Variants in GLIS3 observed in about 807,000 individuals in gnomAD.
GLIS3 encodes zinc finger protein GLIS3.
A neutral mutation model predicts 78.6 loss-of-function variants in GLIS3; 53 were observed. That is an observed-to-expected ratio of 0.67 (90% CI 0.54 to 0.85). The LOEUF is 0.85. Ranked by LOEUF, GLIS3 falls within the 40% of genes least tolerant of loss-of-function variation. The probability of loss-of-function intolerance (pLI) is 0.00; values close to 1 mark genes in which losing one functional copy is unlikely to be tolerated. For synonymous variants in GLIS3, 684 were observed against 509.9 expected (o/e 1.34, Z -4.60); for missense variants, 1,703 against 1,231.1 (o/e 1.38, Z -5.74).
chr9:3,861,640 A>AT (rs1240508356), intron 8 of GLIS3, among the ~76,000 whole-genome samples: 1 of 152,216 alleles, frequency 6.6e-6, no homozygotes, highest in Non-Finnish European at 1.5e-5. Context: ...TTGCAGGGAC[A>AT]TGGATGGAGC....
At chr9:4,483,612 C>G in the GLIS3 span, among the ~76,000 whole-genome samples, 3 of 151,166 alleles carry the variant, frequency 2.0e-5, no homozygotes, top group African/African-American at 7.3e-5. Context: ...CCCAACTACT[C>G]AAGAGGCTGA....
the GLIS3 span, among the ~76,000 whole-genome samples, chr9:4,395,041 A>C: frequency 1.3e-5 from 2 of 152,220 alleles, no homozygotes; most frequent in East Asian, 1.9e-4. Context: ...TAGAGTATCT[A>C]TAATGGTGTA....
rs546570896 is a variant in GLIS3 at position 3,897,254 on chromosome 9, G to T, written c.2128+1437C>A. Among the ~76,000 whole-genome samples the T allele has an allele frequency of 6.6e-5, 10 of 152,220 alleles. No homozygotes were observed. In the South Asian group the frequency reaches 2.1e-3, roughly 32 times the overall value. On this transcript the variant is annotated intron_variant, in intron 7 of 10. Coordinates refer to ENST00000381971, the MANE Select transcript of GLIS3 (RefSeq NM_001042413.2). Reference sequence around the variant, plus strand: ...TTTTCAATCACTTCTGGTTAGTGTTGACTGTTGACTATTGGGTTCCAGGTC... The same window carrying T: ...TTTTCAATCACTTCTGGTTAGTGTTTACTGTTGACTATTGGGTTCCAGGTC...
intron 8 of GLIS3, among the ~76,000 whole-genome samples, chr9:3,867,386 A>G (rs1469382738): frequency 6.6e-6 from 1 of 152,240 alleles, no homozygotes. Context: ...GTATTTAAGA[A>G]GTTATTAGTG....
At chr9:3,853,752 G>T (rs1350477098) in intron 9 of GLIS3, among the ~76,000 whole-genome samples, 1 of 152,172 alleles carries the variant, frequency 6.6e-6, no homozygotes, top group Non-Finnish European at 1.5e-5. Context: ...GAAAAAAGAA[G>T]AAATCACCCA....
chr9:4,247,854 G>C (rs1363130675), intron 2 of GLIS3, among the ~76,000 whole-genome samples: 1 of 152,108 alleles, frequency 6.6e-6, no homozygotes, highest in Non-Finnish European at 1.5e-5. Flanking sequence ...ATTAAATCAA[G>C]CTAATTAGCA....
chr9:4,185,453 A>G (rs1303019680), intron 2 of GLIS3, among the ~76,000 whole-genome samples: 1 of 152,156 alleles, frequency 6.6e-6, no homozygotes, highest in Non-Finnish European at 1.5e-5. Flanking sequence ...ACTAATATAT[A>G]CTTTTTTGTA....
chr9:4,294,310 A>T lies in GLIS3; in HGVS notation c.-99+5111T>A, dbSNP rs1816286950. Among the ~76,000 whole-genome samples the T allele has an allele frequency of 2.6e-5, 4 of 152,160 alleles. No homozygotes were observed. The South Asian group carries it at 8.3e-4, about 32-fold the overall frequency. ...GATCACCTGAGGTCAGGAGTTCGAGACCAGTCTGACTAACACAGTGAAACC... is the reference window on the plus strand; with the variant it reads ...GATCACCTGAGGTCAGGAGTTCGAGTCCAGTCTGACTAACACAGTGAAACC... On this transcript the variant is annotated intron_variant, in intron 1 of 10. Coordinates refer to ENST00000381971, the MANE Select transcript of GLIS3 (RefSeq NM_001042413.2).
At chr9:4,260,001 G>C (rs1825355325) in intron 2 of GLIS3, among the ~76,000 whole-genome samples, 1 of 152,182 alleles carries the variant, frequency 6.6e-6, no homozygotes, top group South Asian at 2.1e-4. Flanking sequence ...GGAAATTTAA[G>C]CAAGGGAGAT....
intron 4 of GLIS3, among the ~76,000 whole-genome samples, chr9:3,984,734 G>C (rs594288): frequency 0.65 from 98,798 of 151,998 alleles, 32,502 homozygotes; most frequent in African/African-American, 0.76. Context: ...GTTTGGTTGT[G>C]TCCCCATCCA....
intron 2 of GLIS3, chr9:4,145,063 A>C (rs1400833029): frequency 6.6e-6 from 1 of 152,202 alleles, no homozygotes; most frequent in Non-Finnish European, 1.5e-5. Context: ...GGCTTAACTG[A>C]CCATAACCTT....
intron 9 of GLIS3, among the ~76,000 whole-genome samples, chr9:3,841,179 A>G (rs1266684681): frequency 6.6e-6 from 1 of 152,214 alleles, no homozygotes; most frequent in East Asian, 1.9e-4. Flanking sequence ...GTGGTGGCCT[A>G]TGGCTTCCAA....
At chr9:3,874,838 T>A (rs924018175) in intron 8 of GLIS3, among the ~76,000 whole-genome samples, 1 of 152,176 alleles carries the variant, frequency 6.6e-6, no homozygotes, top group Non-Finnish European at 1.5e-5. Flanking sequence ...TTCTTTTCAG[T>A]CTTTTCTGGC....
At chr9:4,227,031 G>A (rs1028523722) in intron 2 of GLIS3, among the ~76,000 whole-genome samples, 5 of 152,178 alleles carry the variant, frequency 3.3e-5, no homozygotes, top group African/African-American at 1.2e-4. Context: ...AAGAGTTCTT[G>A]CATGCAAGGG....
At position 4,320,669 on chromosome 9, in the gene GLIS3, T is replaced by C. The variant is rs561265862; in HGVS notation, n.265-10141A>G. Among the ~76,000 whole-genome samples, 8 of 152,040 alleles carry C rather than the reference T, an allele frequency of 5.3e-5. No homozygotes were observed. The East Asian group carries it at 9.7e-4, about 18-fold the overall frequency. ...ACTGTTGCCACCATCACTACCTCCA[T>C]CATCACCACCGCCATCACCACATCA... is the stretch of plus-strand genomic sequence containing the variant. On this transcript the variant is annotated intron_variant and non_coding_transcript_variant, in intron 2 of 4. Transcript: ENST00000471664.
At chr9:3,905,390 C>G (rs1444959400) in intron 6 of GLIS3, among the ~76,000 whole-genome samples, 1 of 152,014 alleles carries the variant, frequency 6.6e-6, no homozygotes, top group East Asian at 1.9e-4. Context: ...TCTAGCATAC[C>G]TTATCACCAC....
intron 2 of GLIS3, among the ~76,000 whole-genome samples, chr9:4,254,567 C>T (rs769222540): frequency 6.6e-6 from 1 of 152,168 alleles, no homozygotes; most frequent in African/African-American, 2.4e-5. Context: ...TGACCCAGCA[C>T]GGTGGCTCAC....
chr9:4,320,932 C>G (rs930255425), intron 2 of GLIS3, among the ~76,000 whole-genome samples: 5 of 152,034 alleles, frequency 3.3e-5, no homozygotes, highest in African/African-American at 1.2e-4. Context: ...CTGTCTCCTG[C>G]TTGAGCATTT....
At chr9:4,177,019 T>C (rs1317537663) in intron 2 of GLIS3, among the ~76,000 whole-genome samples, 2 of 152,246 alleles carry the variant, frequency 1.3e-5, no homozygotes, top group Non-Finnish European at 2.9e-5. Flanking sequence ...ATTTAACCCC[T>C]GACAATATGG....
Sources: gnomAD v4.1 joint callset for allele counts (sites outside exome capture counted in the v4.1 genomes callset) on GRCh38, gnomAD v4.1.1 for gene constraint, MANE v1.5 for transcripts, NCBI Gene and HGNC (gene_info 2026-07-23, HGNC 2026-07-21) for gene names.